Variants in TSPAN5 observed in about 807,000 individuals in gnomAD.
TSPAN5 encodes tetraspanin 5.
TSPAN5 carries 10 observed loss-of-function variants against 37.1 expected under a neutral mutation model. That is an observed-to-expected ratio of 0.27 (90% CI 0.17 to 0.46). TSPAN5 has a LOEUF of 0.46. TSPAN5 is among the 20% of genes least tolerant of loss of function. TSPAN5 has a pLI of 1.00. For missense variants in TSPAN5, 195 were observed against 326.6 expected (o/e 0.60, Z 3.11); for synonymous variants, 110 against 118.9 (o/e 0.93, Z 0.48).
At position 98,470,524 on chromosome 4, in the gene TSPAN5, TCAATTGGCCAGATGGAGTTC is replaced by T; in HGVS notation, c.*1978_*1997del. The T allele has an allele frequency of 6.6e-6, 1 of 152,362 alleles. No homozygotes were observed. Among genetic ancestry groups the T allele is most frequent in the Admixed American group, 6.5e-5 (1 of 15,298 alleles). The allele number at this position is 152,362 out of a possible 1,614,324, so 9.4% of individuals were successfully genotyped here. ...GGCAGGGATCTTGCCTGATTCTGAATCAATTGGCCAGATGGAGTTCACTGGAGAATGAGGCAATCAACAAA... is the reference window on the plus strand; with the variant it reads ...GGCAGGGATCTTGCCTGATTCTGAATACTGGAGAATGAGGCAATCAACAAA... On this transcript the variant is annotated 3_prime_UTR_variant, in exon 8 of 8. Transcript: ENST00000305798.
At chr4:98,507,198 A>G (rs538696806) in intron 2 of TSPAN5, among the ~76,000 whole-genome samples, 3 of 152,346 alleles carry the variant, frequency 2.0e-5, no homozygotes, top group South Asian at 2.1e-4. Context: ...ATACTCAAAC[A>G]TGAAGTTATA....
At chr4:98,535,561 G>A (rs1754211641) in intron 1 of TSPAN5, among the ~76,000 whole-genome samples, 2 of 152,118 alleles carry the variant, frequency 1.3e-5, no homozygotes, top group African/African-American at 4.8e-5. Context: ...TGTATTTCCT[G>A]AATTTGAATG....
intron 1 of TSPAN5, among the ~76,000 whole-genome samples, chr4:98,584,560 A>G (rs1755444293): frequency 6.6e-6 from 1 of 152,192 alleles, no homozygotes; most frequent in Non-Finnish European, 1.5e-5. Flanking sequence ...GATATTACAC[A>G]CCATCTTCTA....
At chr4:98,606,251 TG>T (rs1205332191) in intron 1 of TSPAN5, among the ~76,000 whole-genome samples, 1 of 152,248 alleles carries the variant, frequency 6.6e-6, no homozygotes, top group African/African-American at 2.4e-5. Context: ...AAGCCATCTT[TG>T]CTACATAAGG....
chr4:98,619,955 GC>G (rs772574224), intron 1 of TSPAN5, among the ~76,000 whole-genome samples: 4 of 152,094 alleles, frequency 2.6e-5, no homozygotes, highest in Non-Finnish European at 2.9e-5. Flanking sequence ...CCTCCTAAAA[GC>G]CTCATATTAT....
chr4:98,656,539 G>C (rs1757298162), intron 1 of TSPAN5, among the ~76,000 whole-genome samples: 2 of 152,180 alleles, frequency 1.3e-5, no homozygotes. Context: ...AAATGGAGAA[G>C]GGGCAAAGAA....
At chr4:98,483,798 A>G (rs974872280) in intron 3 of TSPAN5, 2 of 152,454 alleles carry the variant, frequency 1.3e-5, no homozygotes, top group African/African-American at 4.8e-5. Context: ...ACAGTTCTTA[A>G]TTATCATCAG....
chr4:98,477,660 ACCTTTT>A (rs1752734768), intron 5 of TSPAN5, among the ~76,000 whole-genome samples: 1 of 121,010 alleles, frequency 8.3e-6, no homozygotes, highest in South Asian at 2.5e-4. Context: ...CTAGAGAGTT[ACCTTTT>A]TTTTTTTTTT....
intron 1 of TSPAN5, among the ~76,000 whole-genome samples, chr4:98,564,375 G>A (rs779994842): frequency 2.6e-5 from 4 of 152,090 alleles, no homozygotes; most frequent in African/African-American, 4.8e-5. Flanking sequence ...AGCCTCCTAC[G>A]AATATAAATA....
At chr4:98,552,100 C>T (rs28660173) in intron 1 of TSPAN5, among the ~76,000 whole-genome samples, 3,446 of 151,962 alleles carry the variant, frequency 0.023, 122 homozygotes, top group African/African-American at 0.079. Context: ...CTCTTCTTTT[C>T]TTGGTTAGTC....
chr4:98,588,292 G>A (rs950163062), intron 1 of TSPAN5, among the ~76,000 whole-genome samples: 3 of 152,002 alleles, frequency 2.0e-5, no homozygotes, highest in African/African-American at 7.2e-5. Flanking sequence ...CACATGAATG[G>A]GGTGGCCAGT....
intron 1 of TSPAN5, among the ~76,000 whole-genome samples, chr4:98,625,045 TAAC>T (rs1366626903): frequency 6.6e-6 from 1 of 152,114 alleles, no homozygotes; most frequent in African/African-American, 2.4e-5. Context: ...ATAATGATAA[TAAC>T]AACAACAATA....
intron 1 of TSPAN5, among the ~76,000 whole-genome samples, chr4:98,631,495 C>G (rs1271756705): frequency 6.6e-6 from 1 of 151,954 alleles, no homozygotes; most frequent in African/African-American, 2.4e-5. Flanking sequence ...TTGGCATTTG[C>G]TATGTCATCT....
At chr4:98,612,057 C>T (rs868575215) in intron 1 of TSPAN5, among the ~76,000 whole-genome samples, 3 of 152,222 alleles carry the variant, frequency 2.0e-5, no homozygotes, top group Non-Finnish European at 4.4e-5. Flanking sequence ...TCCTAGGAAT[C>T]CTAATTCTAC....
At chr4:98,614,903 C>T (rs1756285122) in intron 1 of TSPAN5, among the ~76,000 whole-genome samples, 1 of 152,226 alleles carries the variant, frequency 6.6e-6, no homozygotes, top group Non-Finnish European at 1.5e-5. Flanking sequence ...AATGCCATCG[C>T]AGCCAACAGC....
At chr4:98,511,858 A>G (rs1753612824) in intron 1 of TSPAN5, among the ~76,000 whole-genome samples, 1 of 152,168 alleles carries the variant, frequency 6.6e-6, no homozygotes, top group Admixed American at 6.5e-5. Flanking sequence ...AGTATCCCAT[A>G]ACAATATCCC....
At chr4:98,485,762 C>CTTTTTTTTTTTTTT (rs766494512) in intron 3 of TSPAN5, among the ~76,000 whole-genome samples, 17 of 86,590 alleles carry the variant, frequency 2.0e-4, no homozygotes, top group African/African-American at 6.8e-4. Flanking sequence ...CTTGGATATG[C>CTTTTTTTTTTTTTT]TTTTTTTTTT....
rs79742642 is a variant in TSPAN5 at position 98,612,932 on chromosome 4, C to T, written c.81+45214G>A. Among the ~76,000 whole-genome samples, 1,325 of 152,308 alleles carry T rather than the reference C, an allele frequency of 8.7e-3. 26 individuals are homozygous for T. Among genetic ancestry groups the T allele is most frequent in the African/African-American group, 0.031 (1,279 of 41,564 alleles). ...CTACATTCTTTCTGCCAGTCTCTTA[C>T]CCCGTGTTTTATTTTTTCACCGTAG... On this transcript the variant is annotated intron_variant, in intron 1 of 7. Transcript: ENST00000305798.
At position 98,498,812 on chromosome 4, in the gene TSPAN5, T is replaced by C. The variant is rs545586597; in HGVS notation, c.132+8866A>G. Among the ~76,000 whole-genome samples, 125 of 152,260 alleles carry C rather than the reference T, an allele frequency of 8.2e-4. 1 individual carries two copies. The highest frequency in any genetic ancestry group is 1.6e-3 in the Non-Finnish European group (108 of 68,014). The stretch of plus-strand genomic sequence containing the variant: ...AGGGGCTGTGGGCTGCCTCCTGCCC[T>C]TGCAACCTAGAGAGAGAAGGGCCGG... On this transcript the variant is annotated intron_variant, in intron 2 of 7. Coordinates refer to ENST00000305798, the MANE Select transcript of TSPAN5 (RefSeq NM_005723.4).
Sources: gnomAD v4.1 joint callset for allele counts (sites outside exome capture counted in the v4.1 genomes callset) on GRCh38, gnomAD v4.1.1 for gene constraint, MANE v1.5 for transcripts, NCBI Gene and HGNC (gene_info 2026-07-23, HGNC 2026-07-21) for gene names.